Variants in CENPB observed in about 807,000 individuals in gnomAD.
CENPB encodes major centromere autoantigen B.
In CENPB, 19 loss-of-function variants were observed where a neutral mutation model predicts 41.9. That is an observed-to-expected ratio of 0.45 (90% CI 0.32 to 0.67). CENPB has a LOEUF of 0.67. Among genes scored for constraint, CENPB ranks in the 30% least tolerant of loss-of-function variants. The pLI is 0.04. For synonymous variants in CENPB, 399 were observed against 354.4 expected (o/e 1.13, Z -1.41); for missense variants, 614 against 816.2 (o/e 0.75, Z 3.02).
rs1488038098 is a variant in CENPB, at chr20:3,786,346, C to T, written c.138G>A (p.Leu46=). Residue 46 remains leucine (L), a synonymous_variant, in exon 1 of 1, where the codon CTG becomes CTA. Transcript: ENST00000379751. ...ACGCCAGGATGGCGCGCTTGTTCTT[C>T]AGGATCGTGCTCAGCGTGGACGGCG... ...NIPPSTLSTI[L]KNKRAILASE... The T allele has an allele frequency of 4.4e-6, 7 of 1,606,776 alleles. No individual in the cohort carries two copies. The highest frequency in any genetic ancestry group is 1.3e-5 in the African/African-American group (1 of 74,942).
At position 3,785,743 on chromosome 20, in the gene CENPB, C is replaced by A. The variant is rs375303416; in HGVS notation, c.741G>T (p.Ser247=). 6.2e-7 allele frequency: 1 copy of A among 1,607,754 alleles called. No individual in the cohort carries two copies. Among genetic ancestry groups the A allele is most frequent in the South Asian group, 1.1e-5 (1 of 90,688 alleles). ...EKLPPLVAGK[S]AKPRAGQAGL... ...CGGCTTGGCCTGCGCGGGGCTTGGC[C>A]GACTTGCCGGCCACCAGCGGGGGCA... The change falls in exon 1 of 1, where the codon TCG becomes TCT. Residue 247 remains serine (S), a synonymous_variant. Coordinates refer to ENST00000379751, the MANE Select transcript of CENPB (RefSeq NM_001810.6).
At position 3,785,520 on chromosome 20, in the gene CENPB, C is replaced by A. The variant is rs1168709421; in HGVS notation, c.964G>T (p.Val322Leu). 1.3e-6 allele frequency: 2 copies of A among 1,597,452 alleles called. No homozygotes were observed. The highest frequency in any genetic ancestry group is 2.3e-5 in the East Asian group (1 of 44,014). ...ACCACTCCCCTCTCCAGCGGATGCA[C>A]GGTGCCGGGAGGGAAGAAGGCCAGC... ...VQLAFFPPGT[V>L]HPLERGVVQQ... The change falls in exon 1 of 1, where the codon GTG becomes TTG. Residue 322 changes from valine to leucine, a missense_variant. Physicochemically the swap from Val to Leu is conservative, Grantham distance 32. This residue lies in a region of CENPB where 537 missense variants were observed against 629.4 expected (regional missense o/e 0.85). Coordinates refer to ENST00000379751, the MANE Select transcript of CENPB (RefSeq NM_001810.6).
chr20:3,785,080 C>T lies in CENPB; in HGVS notation c.1404G>A (p.Ser468=), dbSNP rs201265512. The T allele has an allele frequency of 4.2e-5, 68 of 1,613,304 alleles. No individual in the cohort carries two copies. Among genetic ancestry groups the T allele is most frequent in the Non-Finnish European group, 4.8e-5 (57 of 1,179,710 alleles). Residue 468 remains serine (S), a synonymous_variant, in exon 1 of 1, where the codon TCG becomes TCA. Transcript: ENST00000379751. ...CCCAGTCCTCAGCCTCCAAGCCCTCCGAGGAGCTCTCCTCATCTTCCTCCT... is the reference window on the plus strand; with the variant it reads ...CCCAGTCCTCAGCCTCCAAGCCCTCTGAGGAGCTCTCCTCATCTTCCTCCT... ...EEEEEDEESS[S]EGLEAEDWAQ...
At position 3,784,197 on chromosome 20, in the gene CENPB, C is replaced by A. The variant is rs73895631; in HGVS notation, c.*487G>T. On this transcript the variant is annotated 3_prime_UTR_variant, in exon 1 of 1. Transcript: ENST00000379751. This position sits in a 1 kb window ranked among gnomAD's most constrained non-coding sequence, Gnocchi z 5.2. The stretch of plus-strand genomic sequence containing the variant: ...GTGAGTTAAACTGTGCTTCTCAAGG[C>A]GGCCTGGGGGGTGGGGGTGGGGGCT... The A allele has an allele frequency of 2.7e-4, 38 of 138,242 alleles. No individual in the cohort carries two copies. Among genetic ancestry groups the A allele is most frequent in the African/African-American group, 8.0e-4 (26 of 32,344 alleles). The allele number at this position is 138,242 out of a possible 1,614,324, so 8.6% of individuals were successfully genotyped here.
Position 3,785,531 on chromosome 20 carries a change from G to A in CENPB, c.953C>T (p.Pro318Leu), listed in dbSNP as rs763984128. The change falls in exon 1 of 1, where the codon CCT (proline) becomes CTT (leucine). Residue 318 changes from proline (P) to leucine (L), a missense_variant. Physicochemically the swap from Pro to Leu is moderately conservative, Grantham distance 98. Transcript: ENST00000379751. ...GLRHVQLAFF[P>L]PGTVHPLERG... ...CTCCAGCGGATGCACGGTGCCGGGAGGGAAGAAGGCCAGCTGCACATGCCG... is the reference window on the plus strand; with the variant it reads ...CTCCAGCGGATGCACGGTGCCGGGAAGGAAGAAGGCCAGCTGCACATGCCG... 7 of 1,598,316 alleles carry A rather than the reference G, an allele frequency of 4.4e-6. No homozygotes were observed. Among genetic ancestry groups the A allele is most frequent in the Non-Finnish European group, 6.0e-6 (7 of 1,172,902 alleles).
rs1365069215 is a variant in CENPB, at chr20:3,784,622, G to A, written c.*62C>T. 9.7e-5 allele frequency: 153 copies of A among 1,579,574 alleles called. 4 individuals are homozygous for A. The Middle Eastern group carries it at 2.1e-3, about 22-fold the overall frequency. Reference sequence around the variant, plus strand: ...GCTCCATGCACAGCGGGTGCCCAGAGAGTCCTCTGCCCTGGGGTGGTGCTG... The same window carrying A: ...GCTCCATGCACAGCGGGTGCCCAGAAAGTCCTCTGCCCTGGGGTGGTGCTG... On this transcript the variant is annotated 3_prime_UTR_variant, in exon 1 of 1. Transcript: ENST00000379751. This position sits in a 1 kb window ranked among gnomAD's most constrained non-coding sequence, Gnocchi z 5.2.
chr20:3,786,144 C>T lies in CENPB; in HGVS notation c.340G>A (p.Asp114Asn). The change falls in exon 1 of 1, where the codon GAC (aspartate) becomes AAC (asparagine). Residue 114 changes from aspartate to asparagine, a missense_variant. Coordinates refer to ENST00000379751, the MANE Select transcript of CENPB (RefSeq NM_001810.6). ...ALRIAEELGM[D>N]DFTASNGWLD... Reference sequence around the variant, plus strand: ...CAGCCGTTGGAGGCGGTGAAGTCGTCCATGCCCAGCTCCTCGGCTATGCGC... The same window carrying T: ...CAGCCGTTGGAGGCGGTGAAGTCGTTCATGCCCAGCTCCTCGGCTATGCGC... 1.3e-6 allele frequency: 2 copies of T among 1,598,292 alleles called. No individual in the cohort carries two copies. The highest frequency in any genetic ancestry group is 1.7e-6 in the Non-Finnish European group (2 of 1,179,310).
In CENPB at chr20:3,784,897, G is replaced by A. The variant is rs759293866; in HGVS notation, c.1587C>T (p.Asp529=). The change falls in exon 1 of 1, where the codon GAC becomes GAT. Residue 529 remains aspartate (D), a synonymous_variant. Transcript: ENST00000379751. This position sits in a 1 kb window ranked among gnomAD's most constrained non-coding sequence, Gnocchi z 5.2. ...DEEEDDEDED[D]DDDEEDGDEV... ...CATCACCATCCTCCTCATCATCATC[G>A]TCGTCTTCATCTTCATCATCCTCTT... 1.3e-5 allele frequency: 21 copies of A among 1,613,336 alleles called. No homozygotes were observed. The highest frequency in any genetic ancestry group is 6.7e-5 in the Admixed American group (4 of 59,958).
At position 3,785,961 on chromosome 20, in the gene CENPB, G is replaced by A; in HGVS notation, c.523C>T (p.Arg175Trp). 3 of 1,572,994 alleles carry A rather than the reference G, an allele frequency of 1.9e-6. No homozygotes were observed. The highest frequency in any genetic ancestry group is 1.7e-6 in the Non-Finnish European group (2 of 1,166,036). ...GCCACCGACGGCGGCTGCTCCTCCC[G>A]AGCGCGCCAACCAGTAGTGCTCCCG... ...SGGSTTGWRA[R>W]EEQPPSVAEG... Residue 175 changes from arginine (R) to tryptophan (W), a missense_variant, in exon 1 of 1, where the codon CGG (arginine) becomes TGG (tryptophan). Physicochemically the swap from Arg to Trp is moderately radical, Grantham distance 101. Coordinates refer to ENST00000379751, the MANE Select transcript of CENPB (RefSeq NM_001810.6).
In CENPB at chr20:3,785,954, T is replaced by C; in HGVS notation, c.530A>G (p.Glu177Gly). ...GCCCTCGGCCACCGACGGCGGCTGCTCCTCCCGAGCGCGCCAACCAGTAGT... is the reference window on the plus strand; with the variant it reads ...GCCCTCGGCCACCGACGGCGGCTGCCCCTCCCGAGCGCGCCAACCAGTAGT... ...GSTTGWRARE[E>G]QPPSVAEGYA... The change falls in exon 1 of 1, where the codon GAG becomes GGG. Residue 177 changes from glutamate (E) to glycine (G), a missense_variant. Around this residue, in one of 2 missense-constraint regions of CENPB, gnomAD observed 537 missense variants for 629.4 expected, o/e 0.85. Coordinates refer to ENST00000379751, the MANE Select transcript of CENPB (RefSeq NM_001810.6). The C allele has an allele frequency of 6.3e-7, 1 of 1,584,416 alleles. No individual in the cohort carries two copies. Among genetic ancestry groups the C allele is most frequent in the Non-Finnish European group, 8.5e-7 (1 of 1,171,200 alleles).
chr20:3,785,532 G>C lies in CENPB; in HGVS notation c.952C>G (p.Pro318Ala). The change falls in exon 1 of 1, where the codon CCT (proline) becomes GCT (alanine). Residue 318 changes from proline (P) to alanine (A), a missense_variant. Pro to Ala is a conservative substitution (Grantham distance 27). Transcript: ENST00000379751. Reference protein sequence around the residue: ...GLRHVQLAFFPPGTVHPLERG... With the variant: ...GLRHVQLAFFAPGTVHPLERG... ...TCCAGCGGATGCACGGTGCCGGGAG[G>C]GAAGAAGGCCAGCTGCACATGCCGC... The C allele has an allele frequency of 6.3e-7, 1 of 1,598,538 alleles. No homozygotes were observed. The highest frequency in any genetic ancestry group is 8.5e-7 in the Non-Finnish European group (1 of 1,172,934).
rs560113368 is a variant in CENPB at position 3,785,174 on chromosome 20, C to T, written c.1310G>A (p.Gly437Glu). The T allele has an allele frequency of 2.6e-6, 3 of 1,136,824 alleles. No individual in the cohort carries two copies. Among genetic ancestry groups the T allele is most frequent in the East Asian group, 5.0e-5 (1 of 20,132 alleles). 70.4% of individuals were successfully genotyped at this position (1,136,824 alleles called of 1,614,324 possible). A position where few individuals can be genotyped will look rare whatever the true frequency, so the allele number is the denominator to read the frequency against. ...EEGEEEEEEG[G>E]EGEELGEEEE... is the part of the protein sequence containing the mutation. ...TTCCTCCCCCAATTCCTCTCCTTCC[C>T]CCCCTTCCTCCTCCTCCTCCTCCCC... The change falls in exon 1 of 1, where the codon GGG (glycine) becomes GAG (glutamate). Residue 437 changes from glycine (G) to glutamate (E), a missense_variant. Around this residue, in one of 2 missense-constraint regions of CENPB, gnomAD observed 537 missense variants for 629.4 expected, o/e 0.85. Coordinates refer to ENST00000379751, the MANE Select transcript of CENPB (RefSeq NM_001810.6).
chr20:3,785,532 G>A lies in CENPB; in HGVS notation c.952C>T (p.Pro318Ser), dbSNP rs1245462924. The change falls in exon 1 of 1, where the codon CCT (proline) becomes TCT (serine). Residue 318 changes from proline (P) to serine (S), a missense_variant. Physicochemically the swap from Pro to Ser is moderately conservative, Grantham distance 74. Transcript: ENST00000379751. ...TCCAGCGGATGCACGGTGCCGGGAGGGAAGAAGGCCAGCTGCACATGCCGC... is the reference window on the plus strand; with the variant it reads ...TCCAGCGGATGCACGGTGCCGGGAGAGAAGAAGGCCAGCTGCACATGCCGC... The part of the protein sequence containing the change: ...GLRHVQLAFF[P>S]PGTVHPLERG... The A allele has an allele frequency of 3.8e-6, 6 of 1,598,538 alleles. No homozygotes were observed. The South Asian group carries it at 4.5e-5, about 12-fold the overall frequency.
chr20:3,786,517 G>T lies in CENPB; in HGVS notation c.-34C>A. 1.1e-6 allele frequency: 1 copy of T among 913,300 alleles called. No individual in the cohort carries two copies. Among genetic ancestry groups the T allele is most frequent in the Non-Finnish European group, 1.3e-6 (1 of 755,928 alleles). The allele number at this position is 913,300 out of a possible 1,614,324, so 56.6% of individuals were successfully genotyped here. A position where few individuals can be genotyped will look rare whatever the true frequency, so the allele number is the denominator to read the frequency against. On this transcript the variant is annotated 5_prime_UTR_variant, in exon 1 of 1. Transcript: ENST00000379751. ...GCCCCCCGCCCCGGGGCCCGGCGCC[G>T]CCGCCGCCGCCCCGGGGCGGGGGGC...
Position 3,785,114 on chromosome 20 carries a change from T to C in CENPB, c.1370A>G (p.Asp457Gly), listed in dbSNP as rs768406399. The C allele has an allele frequency of 3.1e-6, 5 of 1,607,438 alleles. No homozygotes were observed. Among genetic ancestry groups the C allele is most frequent in the Non-Finnish European group, 4.2e-6 (5 of 1,176,540 alleles). Residue 457 changes from aspartate to glycine, a missense_variant, in exon 1 of 1, where the codon GAT (aspartate) becomes GGT (glycine). Physicochemically the swap from Asp to Gly is moderately conservative, Grantham distance 94 (BLOSUM62 -1). Transcript: ENST00000379751. ...EVEEEGDVDS[D>G]EEEEEDEESS... is the part of the protein sequence containing the mutation. The stretch of plus-strand genomic sequence containing the variant: ...CTCCTCATCTTCCTCCTCTTCTTCA[T>C]CACTATCAACATCACCCTCCTCCTC...
chr20:3,786,548 C>T lies in CENPB; in HGVS notation c.-65G>A. 4 of 439,906 alleles carry T rather than the reference C, an allele frequency of 9.1e-6. No homozygotes were observed. Among genetic ancestry groups the T allele is most frequent in the Non-Finnish European group, 1.2e-5 (4 of 335,856 alleles). The allele number at this position is 439,906 out of a possible 1,614,324, so 27.3% of individuals were successfully genotyped here. ...GCCGCCCCGGGGCGGGGGGCCCGGG[C>T]CCGTGGCGGGGGGCACCTGGCGGCC... On this transcript the variant is annotated 5_prime_UTR_variant, in exon 1 of 1. Transcript: ENST00000379751.
In CENPB at chr20:3,786,103, G is replaced by A; in HGVS notation, c.381C>T (p.Arg127=). ...TGCAGGACACCACGCCGTGGCGCCG[G>A]CGGAAGCGGTCCAGCCAGCCGTTGG... ...TASNGWLDRF[R]RRHGVVSCSG... Residue 127 remains arginine (R), a synonymous_variant, in exon 1 of 1, where the codon CGC becomes CGT. Transcript: ENST00000379751. 5 of 1,594,046 alleles carry A rather than the reference G, an allele frequency of 3.1e-6. No homozygotes were observed. The highest frequency in any genetic ancestry group is 1.3e-5 in the African/African-American group (1 of 74,324).
rs1235451933 is a variant in CENPB at position 3,785,386 on chromosome 20, G to C, written c.1098C>G (p.His366Gln). ...CTGCCTGCCAGGCGGCAGCCACAAA[G>C]TGCAGGGCCTCCGTGAGACCCAGCT... ...GLQLGLTEAL[H>Q]FVAAAWQAVE... Residue 366 changes from histidine (H) to glutamine (Q), a missense_variant, in exon 1 of 1, where the codon CAC (histidine) becomes CAG (glutamine). By Grantham distance (24) the His-to-Gln change is conservative. Transcript: ENST00000379751. The C allele has an allele frequency of 2.5e-6, 4 of 1,603,172 alleles. No homozygotes were observed. Among genetic ancestry groups the C allele is most frequent in the Non-Finnish European group, 3.4e-6 (4 of 1,175,704 alleles).
chr20:3,786,467 C>T lies in CENPB; in HGVS notation c.17G>A (p.Arg6Gln). Reference protein sequence around the residue: MGPKRRQLTFREKSRI... With the variant: MGPKRQQLTFREKSRI... ...TGACTTCTCCCGGAACGTCAGCTGT[C>T]GCCTCTTGGGGCCCATCCCGGCGCG... Residue 6 changes from arginine (R) to glutamine (Q), a missense_variant, in exon 1 of 1, where the codon CGA becomes CAA. Physicochemically the swap from Arg to Gln is conservative, Grantham distance 43. Coordinates refer to ENST00000379751, the MANE Select transcript of CENPB (RefSeq NM_001810.6). 1 of 1,552,054 alleles carries T rather than the reference C, an allele frequency of 6.4e-7. No individual in the cohort carries two copies. The highest frequency in any genetic ancestry group is 8.7e-7 in the Non-Finnish European group (1 of 1,154,994).
Sources: allele counts gnomAD v4.1 joint callset, GRCh38; gene constraint gnomAD v4.1.1; regional missense constraint gnomAD v4.1.1; non-coding constraint Gnocchi (gnomAD v3.1); transcripts MANE v1.5; gene names NCBI Gene and HGNC (gene_info 2026-07-23, HGNC 2026-07-21).